Variants in PSME4 observed in about 807,000 individuals in gnomAD.
The protein encoded by PSME4 is proteasome activator complex subunit 4.
In PSME4, 89 loss-of-function variants were observed where a neutral mutation model predicts 253.9. The observed-to-expected ratio is 0.35, with a 90% CI of 0.30 to 0.42. The LOEUF (loss-of-function observed/expected upper bound fraction) is 0.42, where lower values mean the gene tolerates loss of function less well. Ranked by LOEUF, PSME4 falls within the 10% of genes least tolerant of loss-of-function variation. PSME4 has a pLI of 1.00. For missense variants in PSME4, 2,014 were observed against 2,195.2 expected (o/e 0.92, Z 1.65); for synonymous variants, 851 against 759.2 (o/e 1.12, Z -1.99).
intron 4 of PSME4, 86 bp downstream of exon 4, chr2:53,939,870 T>C: frequency 8.0e-7 from 1 of 1,245,196 alleles, no homozygotes; most frequent in Non-Finnish European, 1.1e-6. Flanking sequence ...CTATTTATAC[T>C]TTTCATTTCC....
chr2:53,922,651 T>G, intron 16 of PSME4, 67 bp from the exon 17 acceptor site: 1 of 1,518,522 alleles, frequency 6.6e-7, no homozygotes, highest in East Asian at 2.3e-5. Flanking sequence ...CATTTTAAAA[T>G]ACTTCTATTT....
chr2:53,941,477 C>T lies in PSME4; in HGVS notation c.501-1477G>A, dbSNP rs114808506. 5.5e-3 allele frequency among the ~76,000 whole-genome samples: 837 copies of T among 151,896 alleles called. 8 individuals carry two copies. Among genetic ancestry groups the T allele is most frequent in the African/African-American group, 0.019 (787 of 41,458 alleles). On this transcript the variant is annotated intron_variant, in intron 3 of 46. Coordinates refer to ENST00000404125, the MANE Select transcript of PSME4 (RefSeq NM_014614.3). ...AACTTCTATCCAACTACGTTTAAAG[C>T]TCCCTGAAGACCACAGCTATGATTT... is the stretch of plus-strand genomic sequence containing the variant.
rs1671032928 is a variant in PSME4, at chr2:53,970,709, A to G, written c.76T>C (p.Phe26Leu). The G allele has an allele frequency of 1.3e-6, 2 of 1,548,334 alleles. No individual in the cohort carries two copies. Among genetic ancestry groups the G allele is most frequent in the South Asian group, 1.2e-5 (1 of 83,970 alleles). The change falls in exon 1 of 47, where the codon TTC becomes CTC. Residue 26 changes from phenylalanine (F) to leucine (L), a missense_variant. Physicochemically the swap from Phe to Leu is conservative, Grantham distance 22. Transcript: ENST00000404125. Reference protein sequence around the residue: ...GGRPEPGPRGFVPQKEIVYNK... With the variant: ...GGRPEPGPRGLVPQKEIVYNK... ...TAGACGATCTCCTTCTGCGGGACGA[A>G]GCCCCGCGGGCCCGGCTCGGGACGC...
At chr2:53,877,518 T>A (rs1290486051) in intron 41 of PSME4, among the ~76,000 whole-genome samples, 1 of 152,134 alleles carries the variant, frequency 6.6e-6, no homozygotes, top group Non-Finnish European at 1.5e-5. Flanking sequence ...TTAAAAAAAA[T>A]TATTCTGACA....
intron 1 of PSME4, among the ~76,000 whole-genome samples, chr2:53,950,285 CA>C (rs201124935): frequency 2.3e-3 from 300 of 131,370 alleles, no homozygotes; most frequent in African/African-American, 3.2e-3. Flanking sequence ...TCTTGTCTTC[CA>C]AAAAAAAAAA....
At chr2:53,885,662 T>C (rs758230978) in intron 41 of PSME4, 28 bp downstream of exon 41, 2 of 1,523,318 alleles carry the variant, frequency 1.3e-6, no homozygotes, top group Admixed American at 1.7e-5. Context: ...CAAAAGGAGA[T>C]GCATTCTTAA....
At chr2:53,946,586 A>G (rs751428223) in intron 3 of PSME4, among the ~76,000 whole-genome samples, 27 of 152,204 alleles carry the variant, frequency 1.8e-4, no homozygotes, top group Non-Finnish European at 7.3e-5. Context: ...TTTTGTATTC[A>G]ATTTTGAGTT....
chr2:53,881,319 T>C (rs998628525), intron 41 of PSME4: 3 of 152,222 alleles, frequency 2.0e-5, no homozygotes, highest in Admixed American at 1.3e-4. Context: ...GAAACTATAG[T>C]TGTGGATTTT....
rs1678504243 is a variant in PSME4 at position 53,865,105 on chromosome 2, C to G, written c.*473G>C. 1 of 152,564 alleles carries G rather than the reference C, an allele frequency of 6.6e-6. No individual in the cohort carries two copies. Among genetic ancestry groups the G allele is most frequent in the Admixed American group, 6.6e-5 (1 of 15,258 alleles). 9.5% of individuals were successfully genotyped at this position (152,564 alleles called of 1,614,324 possible). A position where few individuals can be genotyped will look rare whatever the true frequency, so the allele number is the denominator to read the frequency against. Reference sequence around the variant, plus strand: ...TTCCCTCTTCATGGCTCTCCAGACCCAAGGTTCTCAAGGCTTCAGATTTAT... The same window carrying G: ...TTCCCTCTTCATGGCTCTCCAGACCGAAGGTTCTCAAGGCTTCAGATTTAT... On this transcript the variant is annotated 3_prime_UTR_variant, in exon 47 of 47. Coordinates refer to ENST00000404125, the MANE Select transcript of PSME4 (RefSeq NM_014614.3).
intron 3 of PSME4, among the ~76,000 whole-genome samples, chr2:53,940,554 C>T (rs1169276952): frequency 6.6e-6 from 1 of 151,992 alleles, no homozygotes; most frequent in Admixed American, 6.6e-5. Flanking sequence ...TTATAACTTA[C>T]TTTACAACAT....
At chr2:53,955,854 G>A (rs1038770084) in intron 1 of PSME4, among the ~76,000 whole-genome samples, 2 of 152,112 alleles carry the variant, frequency 1.3e-5, no homozygotes, top group Admixed American at 1.3e-4. Context: ...CCTGGGAAGC[G>A]AAGGTTGCAA....
intron 14 of PSME4, among the ~76,000 whole-genome samples, chr2:53,923,986 T>TAAAATTATACCTGGTGGAAGCA (rs1668449791): frequency 1.5e-5 from 2 of 131,164 alleles, no homozygotes; most frequent in Non-Finnish European, 3.2e-5. Context: ...ACCCTACACA[T>TAAAATTATACCTGGTGGAAGCA]AAAATTATAC....
rs1669398534 is a variant in PSME4 at position 53,940,958 on chromosome 2, TATATA to T, written c.501-963_501-959del. On this transcript the variant is annotated intron_variant, in intron 3 of 46. Coordinates refer to ENST00000404125, the MANE Select transcript of PSME4 (RefSeq NM_014614.3). ...ATATATAAATATATATATACATATATATATATATATATATATATATATATATATAT... is the reference window on the plus strand; with the variant it reads ...ATATATAAATATATATATACATATATTATATATATATATATATATATATAT... Among the ~76,000 whole-genome samples, 297 of 49,590 alleles carry T rather than the reference TATATA, an allele frequency of 6.0e-3. 24 individuals carry two copies. The highest frequency in any genetic ancestry group is 0.015 in the African/African-American group (249 of 17,020). 32.5% of individuals were successfully genotyped at this position (49,590 alleles called of 152,430 possible). A position where few individuals can be genotyped will look rare whatever the true frequency, so the allele number is the denominator to read the frequency against.
intron 45 of PSME4, 111 bp downstream of exon 45, chr2:53,866,636 G>T: frequency 8.4e-7 from 1 of 1,184,310 alleles, no homozygotes; most frequent in Non-Finnish European, 1.2e-6. Context: ...CTTGGCAGAG[G>T]CAGCAGCTTT....
At chr2:53,908,604 T>C in intron 22 of PSME4, 39 bp from the exon 23 acceptor site, 1 of 1,560,648 alleles carries the variant, frequency 6.4e-7, no homozygotes, top group Non-Finnish European at 8.7e-7. Context: ...GTTAAAATAT[T>C]TTGAACTACT....
intron 20 of PSME4, among the ~76,000 whole-genome samples, chr2:53,914,178 C>A (rs775765962): frequency 6.6e-6 from 1 of 152,104 alleles, no homozygotes; most frequent in African/African-American, 2.4e-5. Flanking sequence ...CCTTGAGTAA[C>A]CCTGTTTTTT....
At chr2:53,911,576 A>G (rs1216285639) in intron 20 of PSME4, among the ~76,000 whole-genome samples, 2 of 152,130 alleles carry the variant, frequency 1.3e-5, no homozygotes, top group African/African-American at 4.8e-5. Context: ...AAAGCACAAG[A>G]GAGTTCCCAC....
At chr2:53,933,024 A>C in intron 8 of PSME4, 2 of 389,774 alleles carry the variant, frequency 5.1e-6, no homozygotes, top group Non-Finnish European at 9.4e-6. Context: ...TTAGGATAAC[A>C]AACAGCGTAC....
Position 53,970,390 on chromosome 2 carries a change from C to T in PSME4, c.242+153G>A, listed in dbSNP as rs116064875. ...CAGGGAGGACGGCTTGAGTACTTCA[C>T]AGGCTCTGTCACGACCCTGGGATCA... On this transcript the variant is annotated intron_variant, in intron 1 of 46. Transcript: ENST00000404125. Among the ~76,000 whole-genome samples, 1,360 of 152,314 alleles carry T rather than the reference C, an allele frequency of 8.9e-3. 13 individuals are homozygous for T. Among genetic ancestry groups the T allele is most frequent in the African/African-American group, 0.031 (1,290 of 41,582 alleles).
Sources: allele counts gnomAD v4.1 joint callset (sites outside exome capture counted in the v4.1 genomes callset), GRCh38; gene constraint gnomAD v4.1.1; transcripts MANE v1.5; gene names NCBI Gene and HGNC (gene_info 2026-07-23, HGNC 2026-07-21).